The following ZC3H18 variants were observed in gnomAD, a reference collection of about 807,000 sequenced individuals.
ZC3H18 encodes the protein zinc finger CCCH-type containing 18, also known as zinc finger CCCH domain-containing protein 18.
In ZC3H18, 8 loss-of-function variants were observed where a neutral mutation model predicts 106.1. The ratio of observed to expected loss-of-function variants is 0.08; its 90% CI spans 0.04 to 0.14. The LOEUF is 0.14. Among genes scored for constraint, ZC3H18 ranks in the 10% least tolerant of loss-of-function variants. The pLI is 1.00. For missense variants in ZC3H18, 1,318 were observed against 1,278.4 expected, an observed-to-expected ratio of 1.03 and a Z score of -0.47; for synonymous variants, 635 against 522.1, an observed-to-expected ratio of 1.22 and a Z score of -2.95.
chr16:88,586,872 T>C (rs962498610), intron 3 of ZC3H18, among the ~76,000 whole-genome samples, 188 bp downstream of exon 3: 1 of 152,208 alleles, frequency 6.6e-6, no homozygotes, highest in African/African-American at 2.4e-5. Flanking sequence ...GCCCTTTTAT[T>C]GGTGCTTTTA....
intron 1 of ZC3H18, among the ~76,000 whole-genome samples, chr16:88,572,215 C>T (rs1914451339): frequency 1.3e-5 from 2 of 152,206 alleles, no homozygotes; most frequent in African/African-American, 4.8e-5. Flanking sequence ...TGAGAAGGTC[C>T]CCAAACGCTC....
chr16:88,598,700 G>C lies in ZC3H18; in HGVS notation c.918G>C (p.Arg306=). 1 of 1,611,544 alleles carries C rather than the reference G, an allele frequency of 6.2e-7. No individual in the cohort carries two copies. Among genetic ancestry groups the C allele is most frequent in the Non-Finnish European group, 8.5e-7 (1 of 1,178,702 alleles). ...AGAGTGCCTGGGAACGAGGACTCCG[G>C]CATGCAAAGGAGGTAAACACAATTC... is the stretch of plus-strand genomic sequence containing the variant. ...PTESAWERGL[R]HAKEVLKKAT... is the part of the protein sequence containing the mutation. Residue 306 remains arginine, a synonymous_variant, in exon 5 of 18, where the codon CGG becomes CGC. Coordinates refer to ENST00000301011, the MANE Select transcript of ZC3H18 (RefSeq NM_144604.4).
chr16:88,573,679 C>G (rs900866940), intron 1 of ZC3H18, among the ~76,000 whole-genome samples: 18 of 151,910 alleles, frequency 1.2e-4, no homozygotes, highest in African/African-American at 4.3e-4. Flanking sequence ...CACAAGTAGC[C>G]GGGATTCCAG....
rs764167353 is a variant in ZC3H18, at chr16:88,631,293, A to G, written c.2856A>G (p.Lys952=). Residue 952 remains lysine (K), a synonymous_variant, in exon 18 of 18, where the codon AAA becomes AAG. Transcript: ENST00000301011. ...IARKRAKIPG[K]A ...GCAAGCGGGCCAAGATCCCCGGGAA[A>G]GCATAGGCCGTGCCCCGACCGGACT... 1 of 1,581,834 alleles carries G rather than the reference A, an allele frequency of 6.3e-7. No individual in the cohort carries two copies. Among genetic ancestry groups the G allele is most frequent in the South Asian group, 1.1e-5 (1 of 88,010 alleles).
intron 3 of ZC3H18, among the ~76,000 whole-genome samples, chr16:88,597,081 C>T (rs995172418): frequency 2.6e-4 from 40 of 152,128 alleles, no homozygotes; most frequent in African/African-American, 8.9e-4. Context: ...CCACCACGTC[C>T]GGCTAATTTT....
chr16:88,579,288 G>A (rs1914961102), intron 2 of ZC3H18, among the ~76,000 whole-genome samples: 1 of 152,176 alleles, frequency 6.6e-6, no homozygotes, highest in African/African-American at 2.4e-5. Context: ...ATCAGCTGGG[G>A]GAGCTGGTTG....
At chr16:88,630,382 C>A in intron 16 of ZC3H18, 103 bp from the exon 17 acceptor site, 1 of 804,528 alleles carries the variant, frequency 1.2e-6, no homozygotes, top group Non-Finnish European at 2.0e-6. Flanking sequence ...GTGAACTAAG[C>A]AGCCTCAGGC....
chr16:88,600,241 G>C (rs1312853530), intron 6 of ZC3H18, among the ~76,000 whole-genome samples: 1 of 152,196 alleles, frequency 6.6e-6, no homozygotes, highest in African/African-American at 2.4e-5. Flanking sequence ...GAGGCCTCTA[G>C]AGCCCCACAA....
rs149629816 is a variant in ZC3H18, at chr16:88,591,985, A to T, written c.688+5301A>T. The stretch of plus-strand genomic sequence containing the variant: ...TTTCATCTTTTGAGGAACCGCTGGC[A>T]GCGGAGTTGCTGATGACCTGGTGGT... On this transcript the variant is annotated intron_variant, in intron 3 of 17. Coordinates refer to ENST00000301011, the MANE Select transcript of ZC3H18 (RefSeq NM_144604.4). 9.7e-3 allele frequency among the ~76,000 whole-genome samples: 1,483 copies of T among 152,296 alleles called. 9 individuals carry two copies. The highest frequency in any genetic ancestry group is 0.016 in the Non-Finnish European group (1,101 of 68,018).
intron 1 of ZC3H18, among the ~76,000 whole-genome samples, chr16:88,572,468 T>G (rs547650092): frequency 6.6e-6 from 1 of 151,934 alleles, no homozygotes; most frequent in Middle Eastern, 3.2e-3. Flanking sequence ...TTGTCATGTA[T>G]TCAACAAATA....
In ZC3H18 at chr16:88,624,043, C is replaced by T. The variant is rs769761919; in HGVS notation, c.1879C>T (p.Pro627Ser). The T allele has an allele frequency of 6.2e-7, 1 of 1,614,062 alleles. No individual in the cohort carries two copies. The highest frequency in any genetic ancestry group is 1.7e-4 in the Middle Eastern group (1 of 6,058). The change falls in exon 11 of 18, where the codon CCG becomes TCG. Residue 627 changes from proline (P) to serine (S), a missense_variant. Pro to Ser is a moderately conservative substitution (Grantham distance 74). Around this residue, in one of 6 missense-constraint regions of ZC3H18, gnomAD observed 848 missense variants for 821.7 expected, o/e 1.03. Coordinates refer to ENST00000301011, the MANE Select transcript of ZC3H18 (RefSeq NM_144604.4). ...PSIRTKGEPA[P>S]PPGKAGEKSV... ...CATCAGAACCAAGGGAGAGCCGGCC[C>T]CGCCGCCCGGGAAAGCAGGGTGAGT...
intron 3 of ZC3H18, among the ~76,000 whole-genome samples, chr16:88,595,439 T>C (rs1904378769): frequency 1.3e-5 from 2 of 152,032 alleles, no homozygotes. Context: ...AAGATCTTTA[T>C]TGTTGCTTCT....
intron 6 of ZC3H18, among the ~76,000 whole-genome samples, chr16:88,602,635 A>C (rs540841322): frequency 6.6e-6 from 1 of 152,200 alleles, no homozygotes; most frequent in Non-Finnish European, 1.5e-5. Context: ...CAGGGACACA[A>C]ATTCTCTGAA....
intron 3 of ZC3H18, among the ~76,000 whole-genome samples, chr16:88,591,614 G>A (rs531221395): frequency 1.3e-5 from 2 of 152,138 alleles, no homozygotes; most frequent in African/African-American, 4.8e-5. Flanking sequence ...TTAGTGTGGA[G>A]CAGCTGCATT....
chr16:88,580,352 G>C (rs564673859), intron 2 of ZC3H18, among the ~76,000 whole-genome samples: 1 of 152,122 alleles, frequency 6.6e-6, no homozygotes, highest in Non-Finnish European at 1.5e-5. Context: ...CTACTTGCCC[G>C]GGGCACATTG....
intron 3 of ZC3H18, 75 bp from the exon 4 acceptor site, chr16:88,598,102 AC>A (rs887954623): frequency 2.4e-5 from 3 of 125,566 alleles, no homozygotes; most frequent in Admixed American, 2.8e-4. Flanking sequence ...GCCCCCTCCC[AC>A]CCCCCACCCC....
chr16:88,619,747 C>T (rs1304919740), intron 8 of ZC3H18, among the ~76,000 whole-genome samples: 2 of 152,180 alleles, frequency 1.3e-5, no homozygotes, highest in African/African-American at 4.8e-5. Context: ...GCTGTTACAG[C>T]TTCACCCGAA....
chr16:88,581,856 C>G (rs58888548), intron 2 of ZC3H18, among the ~76,000 whole-genome samples: 2 of 152,240 alleles, frequency 1.3e-5, no homozygotes, highest in Admixed American at 1.3e-4. Flanking sequence ...TGGCGAGGCT[C>G]TGATTTGCCG....
intron 9 of ZC3H18, chr16:88,622,633 C>T (rs1303976070): frequency 6.0e-6 from 3 of 501,872 alleles, no homozygotes; most frequent in Non-Finnish European, 1.1e-5. Flanking sequence ...CCTGACTGCT[C>T]CCAGGGAGTC....
Sources: allele counts gnomAD v4.1 joint callset (sites outside exome capture counted in the v4.1 genomes callset), GRCh38; gene constraint gnomAD v4.1.1; regional missense constraint gnomAD v4.1.1; transcripts MANE v1.5; gene names NCBI Gene and HGNC (gene_info 2026-07-23, HGNC 2026-07-21).